The following LGALS7 variants were observed in gnomAD, a reference collection of about 807,000 sequenced individuals.
The protein encoded by LGALS7 is galectin 7.
Under a neutral mutation model 5.7 loss-of-function variants are expected in LGALS7, and 4 were observed. The ratio of observed to expected loss-of-function variants is 0.70; its 90% confidence interval spans 0.34 to 1.60. The LOEUF is 1.60. LGALS7 is among the 40% of genes most tolerant of loss of function. LGALS7 has a pLI of 0.05. For synonymous variants in LGALS7, 7 were observed against 33.9 expected (o/e 0.21, Z 2.76); for missense variants, 12 against 72.7 (o/e 0.17, Z 3.04).
rs1271166708 is a variant in LGALS7 at position 38,771,991 on chromosome 19, G to A, written c.135C>T (p.Ser45=). 1.9e-6 allele frequency: 2 copies of A among 1,060,656 alleles called. 1 individual carries two copies. Among genetic ancestry groups the A allele is most frequent in the Non-Finnish European group, 2.6e-6 (2 of 775,790 alleles). 65.7% of individuals were successfully genotyped at this position (1,060,656 alleles called of 1,614,324 possible). Residue 45 remains serine (S), a synonymous_variant, in exon 3 of 4, where the codon TCC becomes TCT. Coordinates refer to ENST00000378626, the MANE Select transcript of LGALS7 (RefSeq NM_002307.4). ...GGGGGTTGAAATGCAGCGCGGCATC[G>A]GAGCCCTGCTCCTCCCCGCACAGCA... ...VNLLCGEEQG[S]DAALHFNPRL... is the part of the protein sequence containing the mutation.
rs1971086000 is a variant in LGALS7 at position 38,771,092 on chromosome 19, CGGCAG to C, written c.340_344del (p.Leu114AlafsTer36). 4.8e-6 allele frequency: 1 copy of C among 207,040 alleles called. No homozygotes were observed. Among genetic ancestry groups the C allele is most frequent in the Non-Finnish European group, 9.2e-6 (1 of 108,350 alleles). 12.8% of individuals were successfully genotyped at this position (207,040 alleles called of 1,614,324 possible). A position where few individuals can be genotyped will look rare whatever the true frequency, so the allele number is the denominator to read the frequency against. On this transcript the variant is annotated frameshift_variant, in exon 4 of 4. Coordinates refer to ENST00000378626, the MANE Select transcript of LGALS7 (RefSeq NM_002307.4). LOFTEE classifies it high-confidence loss of function. ...CCTCCACCAGGCGCACGCGCGCCAGCGGCAGGCGGTGGCGGAAGTGGTGGTACTGG... is the reference window on the plus strand; with the variant it reads ...CCTCCACCAGGCGCACGCGCGCCAGCGCGGTGGCGGAAGTGGTGGTACTGG...
chr19:38,773,400 C>T, intron 1 of LGALS7, 87 bp downstream of exon 1: 2 of 484,586 alleles, frequency 4.1e-6, no homozygotes, highest in Non-Finnish European at 6.8e-6. Context: ...CAGTCCGTGG[C>T]ACACTCACTG....
intron 1 of LGALS7, 66 bp downstream of exon 1, chr19:38,773,421 C>A (rs1442729892): frequency 5.3e-6 from 3 of 562,976 alleles, no homozygotes; most frequent in Non-Finnish European, 8.3e-6. Flanking sequence ...CCCACTTGCT[C>A]CTTTGAAAGA....
Position 38,771,081 on chromosome 19 carries a change from ACG to A in LGALS7, c.354_355del (p.Val119AlafsTer32). On this transcript the variant is annotated frameshift_variant, in exon 4 of 4. Coordinates refer to ENST00000378626, the MANE Select transcript of LGALS7 (RefSeq NM_002307.4). LOFTEE classifies it high-confidence loss of function. ...GTCCCCGCCCACCTCCACCAGGCGC[ACG>A]CGCGCCAGCGGCAGGCGGTGGCGGA... 4.4e-6 allele frequency: 1 copy of A among 227,776 alleles called. No homozygotes were observed. Among genetic ancestry groups the A allele is most frequent in the African/African-American group, 1.4e-4 (1 of 7,392 alleles). The allele number at this position is 227,776 out of a possible 1,614,324, so 14.1% of individuals were successfully genotyped here.
rs2069019600 is a variant in LGALS7, at chr19:38,773,489, A to G, written c.4T>C (p.Ser2Pro). The G allele has an allele frequency of 9.0e-7, 1 of 1,107,876 alleles. No homozygotes were observed. Among genetic ancestry groups the G allele is most frequent in the South Asian group, 2.5e-5 (1 of 40,192 alleles). 68.6% of individuals were successfully genotyped at this position (1,107,876 alleles called of 1,614,324 possible). A position where few individuals can be genotyped will look rare whatever the true frequency, so the allele number is the denominator to read the frequency against. MSNVPHKSSLPE... is the reference protein window; with the variant it reads MPNVPHKSSLPE... ...CCCCGGGCCCCTGGAGCACTCACGGACATGGCTGGGACCGGGTTGGGCAGC... is the reference window on the plus strand; with the variant it reads ...CCCCGGGCCCCTGGAGCACTCACGGGCATGGCTGGGACCGGGTTGGGCAGC... The change falls in exon 1 of 4, where the codon TCC (serine) becomes CCC (proline). Residue 2 changes from serine (S) to proline (P), a missense_variant and splice_region_variant. Transcript: ENST00000378626.
rs1345136146 is a variant in LGALS7, at chr19:38,772,326, T to A, written c.96-296A>T. ...AGACCAAAGTGAAGGTCTTATGGAC[T>A]GGCACTCCCCATTCCCAGAGTACCC... On this transcript the variant is annotated intron_variant, in intron 2 of 3. Coordinates refer to ENST00000378626, the MANE Select transcript of LGALS7 (RefSeq NM_002307.4). 3.2e-5 allele frequency among the ~76,000 whole-genome samples: 3 copies of A among 94,436 alleles called. 1 individual carries two copies. Among genetic ancestry groups the A allele is most frequent in the Admixed American group, 3.1e-4 (3 of 9,710 alleles). 62.0% of individuals were successfully genotyped at this position (94,436 alleles called of 152,430 possible). A position where few individuals can be genotyped will look rare whatever the true frequency, so the allele number is the denominator to read the frequency against.
rs371826282 is a variant in LGALS7, at chr19:38,771,983, G to A, written c.143C>T (p.Ala48Val). 91 of 1,064,608 alleles carry A rather than the reference G, an allele frequency of 8.5e-5. 31 individuals carry two copies. The highest frequency in any genetic ancestry group is 9.6e-5 in the Admixed American group (4 of 41,464). The allele number at this position is 1,064,608 out of a possible 1,614,324, so 65.9% of individuals were successfully genotyped here. A position where few individuals can be genotyped will look rare whatever the true frequency, so the allele number is the denominator to read the frequency against. Residue 48 changes from alanine to valine, a missense_variant, in exon 3 of 4, where the codon GCG becomes GTG. By Grantham distance (64) the Ala-to-Val change is moderately conservative (BLOSUM62 0). Around this residue, in one of 2 missense-constraint regions of LGALS7, gnomAD observed 12 missense variants for 40.3 expected, o/e 0.30. Transcript: ENST00000378626. ...GTCCAGCCGGGGGTTGAAATGCAGCGCGGCATCGGAGCCCTGCTCCTCCCC... is the reference window on the plus strand; with the variant it reads ...GTCCAGCCGGGGGTTGAAATGCAGCACGGCATCGGAGCCCTGCTCCTCCCC... ...LCGEEQGSDA[A>V]LHFNPRLDTS...
chr19:38,771,967 G>C lies in LGALS7; in HGVS notation c.159C>G (p.Pro53=). The change falls in exon 3 of 4, where the codon CCC becomes CCG. Residue 53 remains proline, a synonymous_variant. Coordinates refer to ENST00000378626, the MANE Select transcript of LGALS7 (RefSeq NM_002307.4). ...QGSDAALHFN[P]RLDTSEVVFN... is the part of the protein sequence containing the mutation. ...AGACCACCTCCGACGTGTCCAGCCGGGGGTTGAAATGCAGCGCGGCATCGG... is the reference window on the plus strand; with the variant it reads ...AGACCACCTCCGACGTGTCCAGCCGCGGGTTGAAATGCAGCGCGGCATCGG... 1 of 1,064,538 alleles carries C rather than the reference G, an allele frequency of 9.4e-7. No individual in the cohort carries two copies. Among genetic ancestry groups the C allele is most frequent in the Non-Finnish European group, 1.3e-6 (1 of 778,342 alleles). 65.9% of individuals were successfully genotyped at this position (1,064,538 alleles called of 1,614,324 possible). A position where few individuals can be genotyped will look rare whatever the true frequency, so the allele number is the denominator to read the frequency against.
intron 1 of LGALS7, 104 bp downstream of exon 1, chr19:38,773,383 C>A (rs1390998205): frequency 2.3e-6 from 1 of 429,354 alleles, no homozygotes; most frequent in Non-Finnish European, 3.9e-6. Flanking sequence ...GAGGCCACAG[C>A]CCAGGCCAGT....
chr19:38,772,000 C>A lies in LGALS7; in HGVS notation c.126G>T (p.Glu42Asp). Reference protein sequence around the residue: ...RFHVNLLCGEEQGSDAALHFN... With the variant: ...RFHVNLLCGEDQGSDAALHFN... ...AATGCAGCGCGGCATCGGAGCCCTG[C>A]TCCTCCCCGCACAGCAGGTTTACAT... The change falls in exon 3 of 4, where the codon GAG becomes GAT. Residue 42 changes from glutamate to aspartate, a missense_variant. By Grantham distance (45) the Glu-to-Asp change is conservative. Coordinates refer to ENST00000378626, the MANE Select transcript of LGALS7 (RefSeq NM_002307.4). The A allele has an allele frequency of 1.9e-6, 2 of 1,050,940 alleles. No homozygotes were observed. Among genetic ancestry groups the A allele is most frequent in the South Asian group, 1.6e-5 (1 of 60,864 alleles). 65.1% of individuals were successfully genotyped at this position (1,050,940 alleles called of 1,614,324 possible).
chr19:38,773,435 G>GC (rs1971096663), intron 1 of LGALS7, 52 bp downstream of exon 1: 1 of 627,306 alleles, frequency 1.6e-6, no homozygotes, highest in Non-Finnish European at 2.4e-6. Context: ...TGAAAGAGGA[G>GC]CCCCCAGCCC....
intron 2 of LGALS7, among the ~76,000 whole-genome samples, chr19:38,772,264 C>G (rs1458573670): frequency 2.4e-5 from 2 of 81,826 alleles, no homozygotes; most frequent in African/African-American, 5.3e-5. Context: ...CCCCACCTTA[C>G]AAAAAAACGA....
At chr19:38,773,377 C>T (rs2145325957) in intron 1 of LGALS7, 110 bp downstream of exon 1, 1 of 382,432 alleles carries the variant, frequency 2.6e-6, no homozygotes, top group East Asian at 3.7e-5. Flanking sequence ...TACCCGGAGG[C>T]CACAGCCCAG....
At chr19:38,773,360 TG>T in intron 1 of LGALS7, 126 bp downstream of exon 1, 1 of 355,340 alleles carries the variant, frequency 2.8e-6, no homozygotes, top group Non-Finnish European at 4.7e-6. Flanking sequence ...ACAGTCGGGA[TG>T]GGGGTTACCC....
chr19:38,773,430 G>A, intron 1 of LGALS7, 57 bp downstream of exon 1: 1 of 607,462 alleles, frequency 1.6e-6, no homozygotes, highest in Non-Finnish European at 2.5e-6. Flanking sequence ...TCCTTTGAAA[G>A]AGGAGCCCCC....
rs1271091609 is a variant in LGALS7 at position 38,772,404 on chromosome 19, C to T, written c.96-374G>A. Among the ~76,000 whole-genome samples the T allele has an allele frequency of 4.3e-5, 4 of 93,630 alleles. 2 individuals carry two copies. Among genetic ancestry groups the T allele is most frequent in the Non-Finnish European group, 9.1e-5 (4 of 43,788 alleles). 61.4% of individuals were successfully genotyped at this position (93,630 alleles called of 152,430 possible). On this transcript the variant is annotated intron_variant, in intron 2 of 3. Transcript: ENST00000378626. ...CACACACCGCAGAAGGAGAGGTAGG[C>T]GACTAATGACCAGGGAGCTTAGATT... is the stretch of plus-strand genomic sequence containing the variant.
Position 38,771,970 on chromosome 19 carries a change from G to A in LGALS7, c.156C>T (p.Asn52=), listed in dbSNP as rs562582603. Residue 52 remains asparagine (N), a synonymous_variant, in exon 3 of 4, where the codon AAC becomes AAT. Coordinates refer to ENST00000378626, the MANE Select transcript of LGALS7 (RefSeq NM_002307.4). ...CCACCTCCGACGTGTCCAGCCGGGG[G>A]TTGAAATGCAGCGCGGCATCGGAGC... is the stretch of plus-strand genomic sequence containing the variant. The part of the protein sequence containing the change: ...EQGSDAALHF[N]PRLDTSEVVF... The A allele has an allele frequency of 1.2e-5, 13 of 1,064,906 alleles. 4 individuals are homozygous for A. The African/African-American group carries it at 1.6e-4, about 13-fold the overall frequency. 66.0% of individuals were successfully genotyped at this position (1,064,906 alleles called of 1,614,324 possible).
intron 2 of LGALS7, among the ~76,000 whole-genome samples, chr19:38,772,331 C>T (rs1480139059): frequency 1.1e-5 from 1 of 94,950 alleles, no homozygotes; most frequent in Non-Finnish European, 2.3e-5. Flanking sequence ...TGGACTGGCA[C>T]TCCCCATTCC....
rs1424131204 is a variant in LGALS7, at chr19:38,771,965, C to CG, written c.160dup (p.Arg54ProfsTer98). 2.8e-6 allele frequency: 3 copies of CG among 1,063,862 alleles called. 1 individual carries two copies. The highest frequency in any genetic ancestry group is 3.9e-6 in the Non-Finnish European group (3 of 778,036). The allele number at this position is 1,063,862 out of a possible 1,614,324, so 65.9% of individuals were successfully genotyped here. The stretch of plus-strand genomic sequence containing the variant: ...GAAGACCACCTCCGACGTGTCCAGC[C>CG]GGGGGTTGAAATGCAGCGCGGCATC... On this transcript the variant is annotated frameshift_variant, in exon 3 of 4. Transcript: ENST00000378626. LOFTEE classifies it high-confidence loss of function.
Sources: allele counts gnomAD v4.1 joint callset (sites outside exome capture counted in the v4.1 genomes callset), GRCh38; gene constraint gnomAD v4.1.1; regional missense constraint gnomAD v4.1.1; transcripts MANE v1.5; gene names NCBI Gene and HGNC (gene_info 2026-07-23, HGNC 2026-07-21).